MARCHF10: variants seen among roughly 807,000 people sequenced by gnomAD.
The protein encoded by MARCHF10 is membrane associated ring-CH-type finger 10, also known as probable E3 ubiquitin-protein ligase MARCHF10.
MARCHF10 carries 64 observed loss-of-function variants against 76.2 expected under a neutral mutation model. That is an observed-to-expected ratio of 0.84 (90% CI 0.69 to 1.03). The LOEUF (loss-of-function observed/expected upper bound fraction) is 1.03, where lower values mean the gene tolerates loss of function less well. MARCHF10 is among the 50% of genes least tolerant of loss of function. The probability of loss-of-function intolerance (pLI) is 0.00; values close to 1 mark genes in which losing one functional copy is unlikely to be tolerated. For synonymous variants in MARCHF10, 340 were observed against 357.5 expected, an observed-to-expected ratio of 0.95 and a Z score of 0.55; for missense variants, 875 against 958.0, an observed-to-expected ratio of 0.91 and a Z score of 1.14.
At chr17:62,805,874 T>C (rs925739444) in intron 1 of MARCHF10, among the ~76,000 whole-genome samples, 2 of 150,876 alleles carry the variant, frequency 1.3e-5, no homozygotes, top group African/African-American at 2.4e-5. Context: ...ATCGCACCAC[T>C]GCACTCCAGA....
At position 62,801,721 on chromosome 17, in the gene MARCHF10, T is replaced by G. The variant is rs755233149; in HGVS notation, c.15A>C (p.Ala5=). 3.7e-6 allele frequency: 6 copies of G among 1,613,990 alleles called. No individual in the cohort carries two copies. The highest frequency in any genetic ancestry group is 1.7e-5 in the Admixed American group (1 of 60,000). ...CGCTGAAGAACTTCTGCCTGTCCCT[T>G]GCGTCATGCAACATGATTCCTAATC... MLHD[A]RDRQKFFSDV... is the part of the protein sequence containing the mutation. Residue 5 remains alanine (A), a synonymous_variant, in exon 2 of 11, where the codon GCA becomes GCC. Transcript: ENST00000311269.
chr17:62,723,559 C>CTTTTTTTGTTTTTTTTTTTTTTTTTTTT (rs2090600095), intron 7 of MARCHF10, among the ~76,000 whole-genome samples: 1 of 80,370 alleles, frequency 1.2e-5, no homozygotes, highest in African/African-American at 5.4e-5. Context: ...GTTCGCTTGA[C>CTTTTTTTGTTTTTTTTTTTTTTTTTTTT]TTTTTTTTTT....
intron 5 of MARCHF10, among the ~76,000 whole-genome samples, chr17:62,743,637 T>C (rs1273777922): frequency 6.6e-6 from 1 of 152,094 alleles, no homozygotes; most frequent in Non-Finnish European, 1.5e-5. Context: ...AGGGAGACTC[T>C]ACCTCAAAAT....
intron 3 of MARCHF10, among the ~76,000 whole-genome samples, chr17:62,762,608 G>A (rs142084730): frequency 4.0e-4 from 61 of 152,150 alleles, no homozygotes; most frequent in African/African-American, 1.1e-3. Context: ...GTGCAATAGC[G>A]CGATCTCGGT....
chr17:62,714,986 A>T (rs1397543415), intron 8 of MARCHF10, among the ~76,000 whole-genome samples: 4 of 152,154 alleles, frequency 2.6e-5, no homozygotes, highest in African/African-American at 7.2e-5. Flanking sequence ...ACCTCAAATG[A>T]TCCACCCACC....
chr17:62,794,976 GT>G (rs911673039), intron 2 of MARCHF10: 4 of 977,338 alleles, frequency 4.1e-6, no homozygotes, highest in African/African-American at 3.5e-5. Flanking sequence ...CCTCCAGCTA[GT>G]TTTTTTTCCT....
At chr17:62,728,164 A>C (rs372584233) in intron 6 of MARCHF10, among the ~76,000 whole-genome samples, 37 of 152,046 alleles carry the variant, frequency 2.4e-4, no homozygotes, top group Middle Eastern at 6.8e-3. Flanking sequence ...AGCTGTGACC[A>C]CAGGTGCACG....
intron 4 of MARCHF10, among the ~76,000 whole-genome samples, chr17:62,751,362 A>G (rs558694255): frequency 6.6e-6 from 1 of 152,276 alleles, no homozygotes; most frequent in East Asian, 1.9e-4. Flanking sequence ...GACCAGCCAC[A>G]TCGATGTCAC....
intron 3 of MARCHF10, among the ~76,000 whole-genome samples, chr17:62,785,968 G>A (rs2092738864): frequency 6.6e-6 from 1 of 152,164 alleles, no homozygotes; most frequent in Non-Finnish European, 1.5e-5. Context: ...ACTGAAGATA[G>A]TGTGGCAATT....
chr17:62,705,006 C>T, intron 10 of MARCHF10: 1 of 958,710 alleles, frequency 1.0e-6, no homozygotes, highest in Non-Finnish European at 1.2e-6. Context: ...AACCTGTTTG[C>T]AGAGAGCCGT....
At chr17:62,799,789 T>A (rs1284124102) in intron 2 of MARCHF10, among the ~76,000 whole-genome samples, 2 of 152,082 alleles carry the variant, frequency 1.3e-5, no homozygotes, top group African/African-American at 4.8e-5. Context: ...CCAAGCTATG[T>A]TCTGTGAGAC....
rs191302331 is a variant in MARCHF10, at chr17:62,804,497, G to A, written c.-17-2745C>T. On this transcript the variant is annotated intron_variant, in intron 1 of 10. Coordinates refer to ENST00000311269, the MANE Select transcript of MARCHF10 (RefSeq NM_152598.4). ...GGCAGGAAGAAACCAGGTGGGTGCCGTTTCAGAGATGCCCAGAAGAGAGGG... is the reference window on the plus strand; with the variant it reads ...GGCAGGAAGAAACCAGGTGGGTGCCATTTCAGAGATGCCCAGAAGAGAGGG... Among the ~76,000 whole-genome samples, 44 of 152,272 alleles carry A rather than the reference G, an allele frequency of 2.9e-4. 1 individual carries two copies. The highest frequency in any genetic ancestry group is 1.4e-3 in the Admixed American group (21 of 15,288).
intron 3 of MARCHF10, among the ~76,000 whole-genome samples, chr17:62,780,166 A>G (rs578253756): frequency 9.6e-6 from 1 of 104,358 alleles, no homozygotes; most frequent in East Asian, 2.7e-4. Flanking sequence ...TTGAGTGTGT[A>G]ACATGTGGCT....
At chr17:62,805,908 TAAAA>T (rs55879760) in intron 1 of MARCHF10, among the ~76,000 whole-genome samples, 9 of 125,460 alleles carry the variant, frequency 7.2e-5, no homozygotes, top group African/African-American at 2.9e-4. Flanking sequence ...CCCTCAAAAA[TAAAA>T]AAAAATAATA....
Position 62,725,040 on chromosome 17 carries a change from AACCCCCGGCTATCTG to A in MARCHF10, c.1987_2001del (p.Gln663_Gly667del). 5 of 1,609,356 alleles carry A rather than the reference AACCCCCGGCTATCTG, an allele frequency of 3.1e-6. No homozygotes were observed. Among genetic ancestry groups the A allele is most frequent in the Non-Finnish European group, 4.2e-6 (5 of 1,178,294 alleles). The stretch of plus-strand genomic sequence containing the variant: ...GGCTCCAGGAGGGGGTTGCTTGGGG[AACCCCCGGCTATCTG>A]ACAGATGCGACACAAGTCTCCCTCC... On this transcript the variant is annotated inframe_deletion, in exon 7 of 11. Coordinates refer to ENST00000311269, the MANE Select transcript of MARCHF10 (RefSeq NM_152598.4).
Position 62,711,606 on chromosome 17 carries a change from C to T in MARCHF10, c.2215-262G>A, listed in dbSNP as rs185819606. The stretch of plus-strand genomic sequence containing the variant: ...CCATTTTCCAGGCTCAATCCCATTC[C>T]ACATTTATTGAGCAGTTACATATGC... On this transcript the variant is annotated intron_variant, in intron 8 of 10. Coordinates refer to ENST00000311269, the MANE Select transcript of MARCHF10 (RefSeq NM_152598.4). This position sits in a 1 kb window ranked among gnomAD's most constrained non-coding sequence, Gnocchi z 4.4. Among the ~76,000 whole-genome samples, 1 of 152,306 alleles carries T rather than the reference C, an allele frequency of 6.6e-6. No homozygotes were observed. The highest frequency in any genetic ancestry group is 1.9e-4 in the East Asian group (1 of 5,184).
chr17:62,724,163 C>T (rs1258929667), intron 7 of MARCHF10, among the ~76,000 whole-genome samples: 1 of 149,756 alleles, frequency 6.7e-6, no homozygotes, highest in Non-Finnish European at 1.5e-5. Context: ...GATCAAGTTG[C>T]TCTTTGCACT....
chr17:62,749,440 A>G (rs1413492333), intron 4 of MARCHF10, among the ~76,000 whole-genome samples: 2 of 152,158 alleles, frequency 1.3e-5, no homozygotes, highest in Non-Finnish European at 2.9e-5. Flanking sequence ...ATCCCAATGG[A>G]GAGACAACTC....
chr17:62,757,867 T>G (rs2092091547), intron 4 of MARCHF10, among the ~76,000 whole-genome samples: 1 of 152,234 alleles, frequency 6.6e-6, no homozygotes, highest in African/African-American at 2.4e-5. Context: ...TCAAATTTGA[T>G]GTTTTAAAGA....
Sources: gnomAD v4.1 joint callset for allele counts (sites outside exome capture counted in the v4.1 genomes callset) on GRCh38, gnomAD v4.1.1 for gene constraint, Gnocchi (gnomAD v3.1) non-coding constraint, MANE v1.5 for transcripts, NCBI Gene and HGNC (gene_info 2026-07-23, HGNC 2026-07-21) for gene names.